The following PSD3 variants were observed in gnomAD, a reference collection of about 807,000 sequenced individuals.
PSD3 encodes pleckstrin and Sec7 domain containing 3.
Under a neutral mutation model 105.5 loss-of-function variants are expected in PSD3, and 49 were observed. That is an observed-to-expected ratio of 0.46 (90% CI 0.37 to 0.59). The LOEUF (loss-of-function observed/expected upper bound fraction) is 0.59. Among genes scored for constraint, PSD3 ranks in the 20% least tolerant of loss-of-function variants. PSD3 has a pLI of 0.00. For missense variants in PSD3, 1,561 were observed against 1,263.8 expected, an observed-to-expected ratio of 1.24 and a Z score of -3.57; for synonymous variants, 557 against 457.8, an observed-to-expected ratio of 1.22 and a Z score of -2.77.
chr8:18,718,735 G>T (rs1186026752), intron 9 of PSD3, among the ~76,000 whole-genome samples: 1 of 152,110 alleles, frequency 6.6e-6, no homozygotes, highest in Non-Finnish European at 1.5e-5. Flanking sequence ...AGAAAAACAG[G>T]AAATGATGAC....
intron 4 of PSD3, among the ~76,000 whole-genome samples, chr8:18,808,507 AGAT>A (rs1433759566): frequency 1.3e-5 from 2 of 152,320 alleles, no homozygotes; most frequent in African/African-American, 4.8e-5. Flanking sequence ...TGCCCAGTCC[AGAT>A]GATTTCACCT....
intron 9 of PSD3, among the ~76,000 whole-genome samples, chr8:18,703,377 G>A (rs915553877): frequency 6.6e-6 from 1 of 152,084 alleles, no homozygotes; most frequent in Non-Finnish European, 1.5e-5. Context: ...GGTATGAAAA[G>A]GTGCTCATTA....
intron 4 of PSD3, among the ~76,000 whole-genome samples, chr8:18,814,728 C>A (rs1278767904): frequency 6.6e-6 from 1 of 152,208 alleles, no homozygotes; most frequent in African/African-American, 2.4e-5. Context: ...AAGGTAGGAT[C>A]AGTGAGCCCC....
chr8:18,925,242 A>G (rs1373679632), intron 2 of PSD3, among the ~76,000 whole-genome samples: 1 of 152,106 alleles, frequency 6.6e-6, no homozygotes, highest in Non-Finnish European at 1.5e-5. Context: ...TAAAAATACA[A>G]AAGTCAGCCG....
chr8:18,586,697 C>G (rs1001495974), intron 12 of PSD3, among the ~76,000 whole-genome samples: 1 of 152,116 alleles, frequency 6.6e-6, no homozygotes, highest in Non-Finnish European at 1.5e-5. Flanking sequence ...TTCATTTAAT[C>G]AGGGAAGCAG....
intron 15 of PSD3, among the ~76,000 whole-genome samples, chr8:18,536,180 T>A (rs372065530): frequency 3.3e-5 from 5 of 152,346 alleles, no homozygotes; most frequent in African/African-American, 1.2e-4. Flanking sequence ...TTAGTTCTCA[T>A]TTGTTCTAGA....
chr8:18,806,323 A>T (rs956548897), intron 4 of PSD3, among the ~76,000 whole-genome samples: 12 of 152,220 alleles, frequency 7.9e-5, no homozygotes, highest in African/African-American at 2.9e-4. Flanking sequence ...AACAATTTTG[A>T]TCTCATAAAC....
chr8:18,743,422 G>C (rs570710978), intron 9 of PSD3, among the ~76,000 whole-genome samples: 44 of 152,230 alleles, frequency 2.9e-4, no homozygotes, highest in African/African-American at 1.1e-3. Context: ...AAATGTTCGA[G>C]CATGCTTACA....
intron 15 of PSD3, among the ~76,000 whole-genome samples, chr8:18,538,381 A>G (rs1372035411): frequency 6.6e-6 from 1 of 152,244 alleles, no homozygotes; most frequent in African/African-American, 2.4e-5. Flanking sequence ...TAGATGCACT[A>G]TGAAATCAGA....
At chr8:18,677,201 A>G (rs1407466807) in intron 9 of PSD3, among the ~76,000 whole-genome samples, 1 of 152,174 alleles carries the variant, frequency 6.6e-6, no homozygotes, top group Non-Finnish European at 1.5e-5. Flanking sequence ...GAAGGAGGGA[A>G]ATTAAGAGGT....
chr8:19,003,604 TA>T (rs1335148872), intron 1 of PSD3, among the ~76,000 whole-genome samples: 1 of 152,060 alleles, frequency 6.6e-6, no homozygotes, highest in East Asian at 1.9e-4. Flanking sequence ...TCAGCAATGG[TA>T]AGAAAATATG....
intron 11 of PSD3, among the ~76,000 whole-genome samples, chr8:18,603,760 C>T (rs550928647): frequency 3.3e-5 from 5 of 152,208 alleles, no homozygotes; most frequent in Middle Eastern, 3.4e-3. Context: ...AGTGAATGCT[C>T]GTGAGATCTG....
chr8:19,010,038 C>T (rs76580817), intron 1 of PSD3, among the ~76,000 whole-genome samples: 20,557 of 152,202 alleles, frequency 0.14, 1,877 homozygotes, highest in African/African-American at 0.26. Context: ...TCCCTAACTC[C>T]AATAATAATC....
At chr8:18,540,364 A>G (rs760091598) in intron 15 of PSD3, among the ~76,000 whole-genome samples, 6 of 152,136 alleles carry the variant, frequency 3.9e-5, no homozygotes, top group Non-Finnish European at 8.8e-5. Flanking sequence ...TTATTGCAAT[A>G]CTCTGGAACT....
chr8:18,563,841 C>A (rs1472344792), intron 14 of PSD3, among the ~76,000 whole-genome samples: 1 of 152,038 alleles, frequency 6.6e-6, no homozygotes, highest in East Asian at 1.9e-4. Flanking sequence ...TTAGTCAGAA[C>A]TGTAAAGGGT....
intron 15 of PSD3, among the ~76,000 whole-genome samples, chr8:18,538,405 T>A (rs895198224): frequency 2.0e-5 from 3 of 152,188 alleles, no homozygotes; most frequent in Non-Finnish European, 4.4e-5. Context: ...CTGAACAAGA[T>A]AATATCCACA....
intron 9 of PSD3, among the ~76,000 whole-genome samples, chr8:18,667,358 T>G (rs1366478761): frequency 6.6e-6 from 1 of 152,178 alleles, no homozygotes; most frequent in African/African-American, 2.4e-5. Flanking sequence ...TTACAAACCC[T>G]GAGCTAGACA....
intron 1 of PSD3, among the ~76,000 whole-genome samples, chr8:18,952,946 A>G (rs182647386): frequency 2.6e-5 from 4 of 152,338 alleles, no homozygotes; most frequent in African/African-American, 9.6e-5. Context: ...CAACATAAGC[A>G]AAGATAAAAG....
intron 8 of PSD3, among the ~76,000 whole-genome samples, chr8:18,789,640 C>T (rs79431508): frequency 0.032 from 4,873 of 152,178 alleles, 122 homozygotes; most frequent in Middle Eastern, 0.051. Flanking sequence ...GAAAGCACTT[C>T]CCCTAAAATT....
Sources: gnomAD v4.1 joint callset for allele counts (sites outside exome capture counted in the v4.1 genomes callset) on GRCh38, gnomAD v4.1.1 for gene constraint, MANE v1.5 for transcripts, NCBI Gene and HGNC (gene_info 2026-07-23, HGNC 2026-07-21) for gene names.